Variants in GRID2 observed in about 807,000 individuals in gnomAD.
GRID2 encodes the protein glutamate ionotropic receptor delta type subunit 2, also known as glutamate receptor ionotropic, delta-2.
In GRID2, 33 loss-of-function variants were observed where a neutral mutation model predicts 114.8. The ratio of observed to expected loss-of-function variants is 0.29; its 90% CI spans 0.22 to 0.38. The LOEUF is 0.38. Among genes scored for constraint, GRID2 ranks in the 10% least tolerant of loss-of-function variants. GRID2 has a pLI of 1.00. For synonymous variants in GRID2, 505 were observed against 449.9 expected, an observed-to-expected ratio of 1.12 and a Z score of -1.55; for missense variants, 1,184 against 1,257.7, an observed-to-expected ratio of 0.94 and a Z score of 0.89.
intron 13 of GRID2, among the ~76,000 whole-genome samples, chr4:93,589,819 T>C (rs1406803202): frequency 6.6e-6 from 1 of 152,084 alleles, no homozygotes; most frequent in African/African-American, 2.4e-5. Flanking sequence ...GTGAGCATTT[T>C]TTCATGTGTT....
intron 2 of GRID2, among the ~76,000 whole-genome samples, chr4:92,896,877 G>T (rs772789541): frequency 1.3e-5 from 2 of 152,080 alleles, no homozygotes; most frequent in Non-Finnish European, 2.9e-5. Context: ...TGAGTAGCTG[G>T]GATTACAGGT....
intron 13 of GRID2, among the ~76,000 whole-genome samples, chr4:93,526,203 G>A (rs547874288): frequency 6.6e-6 from 1 of 152,030 alleles, no homozygotes; most frequent in Non-Finnish European, 1.5e-5. Flanking sequence ...AGTTCTTGCC[G>A]AGCTAGTGGT....
intron 5 of GRID2, among the ~76,000 whole-genome samples, chr4:93,209,733 T>C (rs1430782442): frequency 6.6e-6 from 1 of 152,096 alleles, no homozygotes; most frequent in Non-Finnish European, 1.5e-5. Context: ...GTATAAACAT[T>C]CCTTTTTCTT....
intron 1 of GRID2, among the ~76,000 whole-genome samples, chr4:92,424,709 G>A (rs1466041817): frequency 6.7e-6 from 1 of 150,362 alleles, no homozygotes. Context: ...ATTTCTATAG[G>A]GTAATAATAG....
At chr4:93,705,898 G>A (rs892975090) in intron 14 of GRID2, among the ~76,000 whole-genome samples, 1 of 152,058 alleles carries the variant, frequency 6.6e-6, no homozygotes, top group African/African-American at 2.4e-5. Flanking sequence ...TTCTGCATAT[G>A]GATATCCAGT....
At chr4:93,259,249 AAACTGTGAAGGGATTT>A (rs1418671254) in intron 8 of GRID2, among the ~76,000 whole-genome samples, 1 of 151,764 alleles carries the variant, frequency 6.6e-6, no homozygotes, top group African/African-American at 2.4e-5. Context: ...TTAAGATCCC[AAACTGTGAAGGGATTT>A]AACTTGTCAC....
chr4:92,475,194 A>T (rs546540622), intron 1 of GRID2, among the ~76,000 whole-genome samples: 30 of 149,802 alleles, frequency 2.0e-4, no homozygotes, highest in East Asian at 7.8e-4. Flanking sequence ...TTGCCTTTTA[A>T]AAAAAAAATT....
intron 2 of GRID2, among the ~76,000 whole-genome samples, chr4:92,877,316 A>T (rs1745701776): frequency 6.6e-6 from 1 of 152,222 alleles, no homozygotes; most frequent in Admixed American, 6.5e-5. Flanking sequence ...TTTAAAAGGG[A>T]TAAGTTTAGC....
At chr4:92,722,798 C>T (rs188777188) in intron 2 of GRID2, among the ~76,000 whole-genome samples, 97 of 152,110 alleles carry the variant, frequency 6.4e-4, no homozygotes, top group African/African-American at 2.2e-3. Context: ...AGAGAAAAGT[C>T]CCTAGCTTCC....
rs17020051 is a variant in GRID2, at chr4:92,975,335, C to T, written c.245-109660C>T. On this transcript the variant is annotated intron_variant, in intron 2 of 15. Coordinates refer to ENST00000282020, the MANE Select transcript of GRID2 (RefSeq NM_001510.4). ...TTCAAAACTCTGTTATAATGGGATA[C>T]TTCTAGTAGGCAATCTTCAATTCCT... Among the ~76,000 whole-genome samples the T allele has an allele frequency of 4.6e-3, 704 of 151,746 alleles. 6 individuals are homozygous for T. Among genetic ancestry groups the T allele is most frequent in the African/African-American group, 0.016 (662 of 41,350 alleles).
chr4:93,536,148 T>G (rs1281293349), intron 13 of GRID2, among the ~76,000 whole-genome samples: 2 of 151,994 alleles, frequency 1.3e-5, no homozygotes, highest in East Asian at 1.9e-4. Context: ...ATCTATAGAT[T>G]CAATGAAATC....
At chr4:93,071,874 A>G (rs1024095698) in intron 2 of GRID2, among the ~76,000 whole-genome samples, 1 of 152,176 alleles carries the variant, frequency 6.6e-6, no homozygotes, top group African/African-American at 2.4e-5. Flanking sequence ...AAGAAAAAAA[A>G]TTATCCATGG....
chr4:92,556,377 A>C (rs1049823834), intron 1 of GRID2, among the ~76,000 whole-genome samples: 6 of 152,122 alleles, frequency 3.9e-5, no homozygotes, highest in African/African-American at 1.4e-4. Flanking sequence ...TTGCCTTTCA[A>C]ATTTTTAGAA....
At chr4:92,526,332 T>C (rs912463916) in intron 1 of GRID2, among the ~76,000 whole-genome samples, 13 of 152,074 alleles carry the variant, frequency 8.5e-5, no homozygotes, top group Non-Finnish European at 1.5e-4. Context: ...AAAATTTTGA[T>C]AGTTGCATTT....
intron 8 of GRID2, among the ~76,000 whole-genome samples, chr4:93,369,691 G>A (rs1762686258): frequency 6.6e-6 from 1 of 152,044 alleles, no homozygotes; most frequent in African/African-American, 2.4e-5. Context: ...GTCTCTCTGT[G>A]TTGACCAGGC....
chr4:93,028,888 G>A (rs985716066), intron 2 of GRID2, among the ~76,000 whole-genome samples: 14 of 151,964 alleles, frequency 9.2e-5, no homozygotes, highest in African/African-American at 3.4e-4. Flanking sequence ...TACAATTTCT[G>A]AAGCCCAGAA....
intron 2 of GRID2, among the ~76,000 whole-genome samples, chr4:92,828,446 A>G (rs1741884172): frequency 6.6e-6 from 1 of 152,114 alleles, no homozygotes; most frequent in Non-Finnish European, 1.5e-5. Flanking sequence ...TAAGCAGTCT[A>G]CTAGAGCACT....
At chr4:92,347,477 G>A (rs1727827391) in intron 1 of GRID2, among the ~76,000 whole-genome samples, 1 of 152,172 alleles carries the variant, frequency 6.6e-6, no homozygotes, top group South Asian at 2.1e-4. Flanking sequence ...GTTGATTTAA[G>A]TACAGAAAAG....
At chr4:93,018,986 T>A (rs1359252806) in intron 2 of GRID2, among the ~76,000 whole-genome samples, 1 of 152,164 alleles carries the variant, frequency 6.6e-6, no homozygotes, top group Non-Finnish European at 1.5e-5. Context: ...GCATATTTAG[T>A]AGTATTTTAT....
Sources: gnomAD v4.1 joint callset for allele counts (sites outside exome capture counted in the v4.1 genomes callset) on GRCh38, gnomAD v4.1.1 for gene constraint, MANE v1.5 for transcripts, NCBI Gene and HGNC (gene_info 2026-07-23, HGNC 2026-07-21) for gene names.